The following ATAD2 variants were observed in gnomAD, a reference collection of about 807,000 sequenced individuals.
ATAD2 encodes the protein ATPase family AAA domain-containing protein 2.
A neutral mutation model predicts 168.9 loss-of-function variants in ATAD2; 62 were observed. The ratio of observed to expected loss-of-function variants is 0.37; its 90% CI spans 0.30 to 0.45. ATAD2 has a LOEUF of 0.45. ATAD2 is among the 20% of genes least tolerant of loss of function. The probability of loss-of-function intolerance (pLI) is 1.00; values close to 1 mark genes in which losing one functional copy is unlikely to be tolerated. For synonymous variants in ATAD2, 613 were observed against 571.6 expected, an observed-to-expected ratio of 1.07 and a Z score of -1.03; for missense variants, 1,419 against 1,667.8, an observed-to-expected ratio of 0.85 and a Z score of 2.60.
intron 27 of ATAD2, 128 bp downstream of exon 27, chr8:123,322,806 TAGAA>T (rs1661738097): frequency 1.1e-6 from 1 of 914,246 alleles, no homozygotes; most frequent in Non-Finnish European, 1.6e-6. Context: ...ACTTTGGAAA[TAGAA>T]AGATGGTCTT....
At chr8:123,346,777 G>T in intron 16 of ATAD2, 27 bp from the exon 17 acceptor site, 1 of 1,556,876 alleles carries the variant, frequency 6.4e-7, no homozygotes. Context: ...TTGTACATTA[G>T]TAACTTTTGG....
chr8:123,337,214 T>C (rs1827943443), intron 21 of ATAD2, among the ~76,000 whole-genome samples: 1 of 151,758 alleles, frequency 6.6e-6, no homozygotes, highest in South Asian at 2.1e-4. Flanking sequence ...AATACAAAAA[T>C]TAGCTGGACG....
In ATAD2 at chr8:123,371,679, A is replaced by T; in HGVS notation, c.527T>A (p.Leu176His). The change falls in exon 4 of 28, where the codon CTT (leucine) becomes CAT (histidine). Residue 176 changes from leucine to histidine, a missense_variant. Physicochemically the swap from Leu to His is moderately conservative, Grantham distance 99 (BLOSUM62 -3). Transcript: ENST00000287394. ...GVNQSMLFDKLITNTAEAVLQ... is the reference protein window; with the variant it reads ...GVNQSMLFDKHITNTAEAVLQ... ...AGGAATTTTTACTTACTTAGTTATA[A>T]GTTTGTCAAACAGCATGGACTGGTT... 6.3e-7 allele frequency: 1 copy of T among 1,597,656 alleles called. No homozygotes were observed. The highest frequency in any genetic ancestry group is 8.5e-7 in the Non-Finnish European group (1 of 1,176,044).
At chr8:123,345,335 A>G (rs1180890096) in intron 18 of ATAD2, among the ~76,000 whole-genome samples, 2 of 152,138 alleles carry the variant, frequency 1.3e-5, no homozygotes, top group Non-Finnish European at 2.9e-5. Flanking sequence ...AAAGTAAACA[A>G]AACTACAAAT....
At chr8:123,365,551 A>C (rs1358157433) in intron 8 of ATAD2, among the ~76,000 whole-genome samples, 3 of 152,200 alleles carry the variant, frequency 2.0e-5, no homozygotes, top group African/African-American at 2.4e-5. Flanking sequence ...ATAGTCACCA[A>C]AACAGCACAG....
At chr8:123,381,335 C>G (rs967746991) in intron 1 of ATAD2, among the ~76,000 whole-genome samples, 2 of 151,980 alleles carry the variant, frequency 1.3e-5, no homozygotes, top group Non-Finnish European at 2.9e-5. Context: ...CCCATCTCTA[C>G]TAAAATTGCA....
intron 8 of ATAD2, among the ~76,000 whole-genome samples, chr8:123,366,269 T>C (rs983079099): frequency 3.4e-4 from 52 of 151,956 alleles, no homozygotes; most frequent in African/African-American, 1.3e-3. Flanking sequence ...CAAAAAATAA[T>C]AGATGTTGGT....
intron 1 of ATAD2, chr8:123,401,843 C>T (rs1474792965): frequency 3.9e-6 from 3 of 760,688 alleles, no homozygotes; most frequent in Admixed American, 1.7e-5. Context: ...CAGCAGCAGC[C>T]AGGCACGATA....
chr8:123,345,048 T>C lies in ATAD2; in HGVS notation c.2554A>G (p.Thr852Ala), dbSNP rs771673353. The change falls in exon 19 of 28, where the codon ACA (threonine) becomes GCA (alanine). Residue 852 changes from threonine to alanine, a missense_variant. Thr to Ala is a moderately conservative substitution (Grantham distance 58, BLOSUM62 0). Coordinates refer to ENST00000287394, the MANE Select transcript of ATAD2 (RefSeq NM_014109.4). ...CAQVIREAKRTAPSIVYVPHI... is the reference protein window; with the variant it reads ...CAQVIREAKRAAPSIVYVPHI... ...GGAACATACACTATACTTGGTGCTG[T>C]TCTCTTAGCTTCACGAATCACCTAG... The C allele has an allele frequency of 6.2e-7, 1 of 1,609,004 alleles. No homozygotes were observed. Among genetic ancestry groups the C allele is most frequent in the East Asian group, 2.2e-5 (1 of 44,774 alleles).
intron 9 of ATAD2, among the ~76,000 whole-genome samples, chr8:123,360,526 C>T (rs142607270): frequency 3.9e-5 from 6 of 152,092 alleles, no homozygotes; most frequent in African/African-American, 1.2e-4. Context: ...TACTTTTAGT[C>T]GAGACGGGGT....
intron 8 of ATAD2, among the ~76,000 whole-genome samples, chr8:123,363,543 A>G (rs1828881343): frequency 6.6e-6 from 1 of 152,222 alleles, no homozygotes; most frequent in Non-Finnish European, 1.5e-5. Flanking sequence ...ACCTACCCAA[A>G]TACACCAAGA....
chr8:123,381,668 T>A (rs1310856594), intron 1 of ATAD2, among the ~76,000 whole-genome samples: 1 of 152,174 alleles, frequency 6.6e-6, no homozygotes, highest in Non-Finnish European at 1.5e-5. Flanking sequence ...CCAAAGTTCA[T>A]ACACCGCTCT....
chr8:123,337,708 T>C lies in ATAD2; in HGVS notation c.2968A>G (p.Arg990Gly). Residue 990 changes from arginine to glycine, a missense_variant, in exon 21 of 28, where the codon AGG (arginine) becomes GGG (glycine). Arg to Gly is a moderately radical substitution (Grantham distance 125, BLOSUM62 -2). Around this residue, in one of 5 missense-constraint regions of ATAD2, gnomAD observed 545 missense variants for 724.9 expected, o/e 0.75. Transcript: ENST00000287394. ...TGTGTAACATTTCTTAAGAAAATCCTCAGTTCTCTAAATGTATCTTCTTCT... is the reference window on the plus strand; with the variant it reads ...TGTGTAACATTTCTTAAGAAAATCCCCAGTTCTCTAAATGTATCTTCTTCT... The part of the protein sequence containing the change: ...EQEEDTFREL[R>G]IFLRNVTHRL... The C allele has an allele frequency of 6.2e-7, 1 of 1,613,868 alleles. No individual in the cohort carries two copies. The highest frequency in any genetic ancestry group is 8.5e-7 in the Non-Finnish European group (1 of 1,179,886).
upstream of ATAD2, chr8:123,400,756 C>T (rs1812984888): frequency 1.3e-6 from 1 of 785,092 alleles, no homozygotes; most frequent in East Asian, 2.4e-5. The surrounding 1 kb of genome is among the most constrained non-coding windows in gnomAD (Gnocchi z 4.5). Context: ...GAAGATCACG[C>T]TGAAGACGCC....
In ATAD2 at chr8:123,402,183, T is replaced by C. The variant is rs1166260462; in HGVS notation, c.-2281-1008A>G. 1.5e-6 allele frequency: 1 copy of C among 663,146 alleles called. No individual in the cohort carries two copies. The highest frequency in any genetic ancestry group is 2.7e-5 in the East Asian group (1 of 36,638). 41.1% of individuals were successfully genotyped at this position (663,146 alleles called of 1,614,324 possible). Reference sequence around the variant, plus strand: ...TTCGGGCATAGCCTCCCTCCATCACTGAGTGGTCCACAGATTTGCACTACG... The same window carrying C: ...TTCGGGCATAGCCTCCCTCCATCACCGAGTGGTCCACAGATTTGCACTACG... On this transcript the variant is annotated intron_variant, in intron 1 of 28. Coordinates refer to the ATAD2 transcript ENST00000521903. The surrounding 1 kb of genome is among the most constrained non-coding windows in gnomAD (Gnocchi z 4.8).
chr8:123,367,599 T>C (rs918108284), intron 8 of ATAD2, among the ~76,000 whole-genome samples: 1 of 152,112 alleles, frequency 6.6e-6, no homozygotes, highest in Admixed American at 6.5e-5. Context: ...TGAAGATCAT[T>C]ACATTTCACC....
intron 22 of ATAD2, among the ~76,000 whole-genome samples, chr8:123,334,644 ATCAG>A (rs1265069114): frequency 6.6e-6 from 1 of 152,264 alleles, no homozygotes; most frequent in Non-Finnish European, 1.5e-5. Flanking sequence ...AGAGAAGGCT[ATCAG>A]TGTCATTAGT....
chr8:123,343,199 C>T (rs919152502), intron 19 of ATAD2, among the ~76,000 whole-genome samples: 3 of 151,796 alleles, frequency 2.0e-5, no homozygotes, highest in African/African-American at 7.3e-5. Context: ...TGGTCTTGAA[C>T]TCCTGATCTC....
chr8:123,393,696 C>A (rs1265909456), intron 1 of ATAD2, among the ~76,000 whole-genome samples: 1 of 152,102 alleles, frequency 6.6e-6, no homozygotes. Flanking sequence ...GTGGGCCGAT[C>A]ACCTGAGACC....
Sources: gnomAD v4.1 joint callset for allele counts (sites outside exome capture counted in the v4.1 genomes callset) on GRCh38, gnomAD v4.1.1 for gene constraint, gnomAD v4.1.1 regional missense constraint, Gnocchi (gnomAD v3.1) non-coding constraint, MANE v1.5 for transcripts, NCBI Gene and HGNC (gene_info 2026-07-23, HGNC 2026-07-21) for gene names.